RIC1: variants seen among roughly 807,000 people sequenced by gnomAD.
RIC1 encodes guanine nucleotide exchange factor subunit RIC1.
In RIC1, 88 loss-of-function variants were observed where a neutral mutation model predicts 169.0. That is an observed-to-expected ratio of 0.52 (90% CI 0.44 to 0.62). RIC1 has a LOEUF of 0.62. Among genes scored for constraint, RIC1 ranks in the 20% least tolerant of loss-of-function variants. The pLI, the probability that RIC1 is intolerant of heterozygous loss-of-function variation, is 0.00. For missense variants in RIC1, 1,877 were observed against 1,725.5 expected, an observed-to-expected ratio of 1.09 and a Z score of -1.56; for synonymous variants, 790 against 601.5, an observed-to-expected ratio of 1.31 and a Z score of -4.59.
rs201602959 is a variant in RIC1, at chr9:5,699,495, C to CT, written c.332+9470dup. On this transcript the variant is annotated intron_variant, in intron 3 of 25. Coordinates refer to ENST00000414202, the MANE Select transcript of RIC1 (RefSeq NM_020829.4). Reference sequence around the variant, plus strand: ...GTATAGCTTACATTTATTTCAATGTCTTTTTTTTTTTTTCAAAAAACTGTT... The same window carrying CT: ...GTATAGCTTACATTTATTTCAATGTCTTTTTTTTTTTTTTCAAAAAACTGTT... 3.3e-3 allele frequency among the ~76,000 whole-genome samples: 473 copies of CT among 142,622 alleles called. 3 individuals carry two copies. In the Middle Eastern group the frequency reaches 0.039, roughly 12 times the overall value. The allele number at this position is 142,622 out of a possible 152,430, so 93.6% of individuals were successfully genotyped here. A position where few individuals can be genotyped will look rare whatever the true frequency, so the allele number is the denominator to read the frequency against.
At chr9:5,665,826 G>T (rs1338949814) in intron 2 of RIC1, among the ~76,000 whole-genome samples, 1 of 152,132 alleles carries the variant, frequency 6.6e-6, no homozygotes, top group Non-Finnish European at 1.5e-5. Context: ...CTCCTTCACA[G>T]GGGGGTACTG....
chr9:5,738,013 C>G lies in RIC1; in HGVS notation c.813-437C>G, dbSNP rs867835499. Among the ~76,000 whole-genome samples, 2 of 151,914 alleles carry G rather than the reference C, an allele frequency of 1.3e-5. 1 individual carries two copies. The highest frequency in any genetic ancestry group is 4.2e-4 in the South Asian group (2 of 4,818). ...AGAAGAAAATACATGTATAAGTGGG[C>G]CCATGCAGTTCAGATCCATGTTGTT... On this transcript the variant is annotated intron_variant, in intron 7 of 25. Coordinates refer to ENST00000414202, the MANE Select transcript of RIC1 (RefSeq NM_020829.4).
intron 1 of RIC1, 105 bp from the exon 2 acceptor site, chr9:5,656,478 T>C: frequency 1.9e-6 from 1 of 532,882 alleles, no homozygotes; most frequent in Non-Finnish European, 3.2e-6. Flanking sequence ...GTCTTTTATT[T>C]TACTGTAAAA....
At position 5,629,432 on chromosome 9, in the gene RIC1, C is replaced by A; in HGVS notation, c.123C>A (p.Arg41=). The change falls in exon 1 of 26, where the codon CGC becomes CGA. Residue 41 remains arginine (R), a synonymous_variant. Transcript: ENST00000414202. ...TCTTCGCCGTGCTGGCCGCGGCCCG[C>A]CTCAGCATCTGGTACAGCCGAGTAA... The part of the protein sequence containing the change: ...RAFFAVLAAA[R]LSIWYSRPSV... The A allele has an allele frequency of 2.0e-6, 3 of 1,533,860 alleles. No homozygotes were observed. The highest frequency in any genetic ancestry group is 2.6e-6 in the Non-Finnish European group (3 of 1,146,056).
chr9:5,650,499 C>G (rs144246806), intron 1 of RIC1, among the ~76,000 whole-genome samples: 64 of 152,126 alleles, frequency 4.2e-4, no homozygotes, highest in Non-Finnish European at 7.8e-4. Flanking sequence ...CACTGTGGCC[C>G]TGCTACTAGA....
rs1458302795 is a variant in RIC1, at chr9:5,732,383, T to G, written c.721-5T>G. ...TTAAGCCTTAACTATTTTTCTTTAT[T>G]ATAGCAGCTTCATGGAGTTTGGCCA... On this transcript the variant is annotated splice_polypyrimidine_tract_variant and splice_region_variant and intron_variant, in intron 6 of 25. Transcript: ENST00000414202. 1 of 1,604,986 alleles carries G rather than the reference T, an allele frequency of 6.2e-7. No homozygotes were observed. Among genetic ancestry groups the G allele is most frequent in the Non-Finnish European group, 8.5e-7 (1 of 1,175,800 alleles).
chr9:5,714,913 TA>T (rs1563921155), intron 4 of RIC1, among the ~76,000 whole-genome samples: 1 of 152,278 alleles, frequency 6.6e-6, no homozygotes, highest in South Asian at 2.1e-4. Context: ...ATGCTACTTT[TA>T]AAAAAATCCC....
rs1163568796 is a variant in RIC1 at position 5,712,478 on chromosome 9, C to G, written c.333-1418C>G. Among the ~76,000 whole-genome samples the G allele has an allele frequency of 3.3e-5, 5 of 152,130 alleles. No individual in the cohort carries two copies. In the East Asian group the frequency reaches 9.6e-4, roughly 29 times the overall value. On this transcript the variant is annotated intron_variant, in intron 3 of 25. Coordinates refer to ENST00000414202, the MANE Select transcript of RIC1 (RefSeq NM_020829.4). ...GCTAATATCCAGCATCTACAAAGGACTCAAACAAATTTACAAGAAAAAAAC... is the reference window on the plus strand; with the variant it reads ...GCTAATATCCAGCATCTACAAAGGAGTCAAACAAATTTACAAGAAAAAAAC...
At chr9:5,684,310 A>C (rs201964707) in intron 2 of RIC1, among the ~76,000 whole-genome samples, 1 of 53,726 alleles carries the variant, frequency 1.9e-5, no homozygotes, top group African/African-American at 6.5e-5. Flanking sequence ...CCGCCATCTC[A>C]TCAATTTATA....
In RIC1 at chr9:5,746,001, C is replaced by G. The variant is rs1212790102; in HGVS notation, c.1166C>G (p.Ser389Cys). ...GGTTCTCAAAACACTGAAATTGAGT[C>G]TGACCTCAGGAGTGTAGTTAAACAG... ...GFGSQNTEIESDLRSVVKQPS... is the reference protein window; with the variant it reads ...GFGSQNTEIECDLRSVVKQPS... The change falls in exon 11 of 26, where the codon TCT becomes TGT. Residue 389 changes from serine (S) to cysteine (C), a missense_variant. By Grantham distance (112) the Ser-to-Cys change is moderately radical. Coordinates refer to ENST00000414202, the MANE Select transcript of RIC1 (RefSeq NM_020829.4). 2 of 1,613,406 alleles carry G rather than the reference C, an allele frequency of 1.2e-6. No individual in the cohort carries two copies. Among genetic ancestry groups the G allele is most frequent in the Middle Eastern group, 1.6e-4 (1 of 6,084 alleles).
In RIC1 at chr9:5,720,152, C is replaced by G. The variant is rs543862079; in HGVS notation, c.441-30C>G. 40 of 1,584,328 alleles carry G rather than the reference C, an allele frequency of 2.5e-5. No homozygotes were observed. In the East Asian group the frequency reaches 8.8e-4, roughly 35 times the overall value. On this transcript the variant is annotated intron_variant, in intron 4 of 25. Transcript: ENST00000414202. ...ATACACATTGCTTTCCCAGTATGCT[C>G]TCTTAAAAATTAATTGATTCTACCT...
At chr9:5,741,793 C>T (rs1825098121) in intron 8 of RIC1, among the ~76,000 whole-genome samples, 1 of 152,088 alleles carries the variant, frequency 6.6e-6, no homozygotes, top group Non-Finnish European at 1.5e-5. Context: ...TGTCTTGATT[C>T]TTTGTGTTCT....
chr9:5,666,874 G>T (rs1819803151), intron 2 of RIC1, among the ~76,000 whole-genome samples: 1 of 152,090 alleles, frequency 6.6e-6, no homozygotes, highest in Non-Finnish European at 1.5e-5. Flanking sequence ...CATCTGGCTT[G>T]TCTGATTTGT....
intron 1 of RIC1, 23 bp from the exon 2 acceptor site, chr9:5,656,560 T>C: frequency 2.3e-6 from 2 of 885,500 alleles, no homozygotes; most frequent in Non-Finnish European, 3.2e-6. Context: ...AAATACAACT[T>C]TTTTTTTTTT....
At chr9:5,629,537 A>G (rs1817614462) in intron 1 of RIC1, 84 bp downstream of exon 1, 7 of 1,407,178 alleles carry the variant, frequency 5.0e-6, no homozygotes, top group Middle Eastern at 1.9e-4. Context: ...CCCAGAGCCT[A>G]GGACTCCTGC....
intron 22 of RIC1, 75 bp from the exon 23 acceptor site, chr9:5,770,012 G>T (rs576482820): frequency 1.5e-6 from 2 of 1,327,120 alleles, no homozygotes; most frequent in South Asian, 2.8e-5. Context: ...GAAGCTAAAA[G>T]AGCTGAATTG....
chr9:5,665,020 C>G (rs185179986), intron 2 of RIC1, among the ~76,000 whole-genome samples: 28 of 152,302 alleles, frequency 1.8e-4, no homozygotes, highest in African/African-American at 6.5e-4. Flanking sequence ...GTGTTCCAGT[C>G]TCCCACTATT....
intron 12 of RIC1, among the ~76,000 whole-genome samples, chr9:5,750,849 T>G (rs1482878515): frequency 2.0e-5 from 3 of 151,764 alleles, no homozygotes; most frequent in Admixed American, 1.3e-4. Flanking sequence ...AGAGTTCAGA[T>G]GACACATAGA....
At chr9:5,731,699 T>A (rs140747922) in intron 6 of RIC1, among the ~76,000 whole-genome samples, 3 of 152,298 alleles carry the variant, frequency 2.0e-5, no homozygotes, top group African/African-American at 7.2e-5. Context: ...TTACTAATAA[T>A]GTCATTTATT....
Sources: gnomAD v4.1 joint callset for allele counts (sites outside exome capture counted in the v4.1 genomes callset) on GRCh38, gnomAD v4.1.1 for gene constraint, MANE v1.5 for transcripts, NCBI Gene and HGNC (gene_info 2026-07-23, HGNC 2026-07-21) for gene names.